Variants in DCC observed in about 807,000 individuals in gnomAD.
The protein encoded by DCC is netrin receptor DCC.
In DCC, 58 loss-of-function variants were observed where a neutral mutation model predicts 172.5. The observed-to-expected ratio is 0.34, with a 90% confidence interval of 0.27 to 0.42. The LOEUF (loss-of-function observed/expected upper bound fraction) is 0.42, where lower values mean the gene tolerates loss of function less well. DCC is among the 10% of genes least tolerant of loss of function. The pLI, the probability that DCC is intolerant of heterozygous loss-of-function variation, is 1.00. For missense variants in DCC, 1,740 were observed against 1,791.0 expected, an observed-to-expected ratio of 0.97 and a Z score of 0.51; for synonymous variants, 709 against 644.5, an observed-to-expected ratio of 1.10 and a Z score of -1.52.
chr18:52,929,759 CTCAGAAAATATTGAG>C (rs2040275097), intron 5 of DCC, among the ~76,000 whole-genome samples: 1 of 150,778 alleles, frequency 6.6e-6, no homozygotes, highest in African/African-American at 2.4e-5. Context: ...AATGTTAAAA[CTCAGAAAATATTGAG>C]ATTATGCTAA....
intron 14 of DCC, among the ~76,000 whole-genome samples, chr18:53,325,482 C>G (rs535076837): frequency 6.6e-6 from 1 of 152,286 alleles, no homozygotes; most frequent in South Asian, 2.1e-4. Flanking sequence ...TTTCCTGACT[C>G]TGAATGAGTC....
At chr18:53,502,998 C>G (rs1407755786) in intron 27 of DCC, among the ~76,000 whole-genome samples, 1 of 152,098 alleles carries the variant, frequency 6.6e-6, no homozygotes, top group East Asian at 1.9e-4. Context: ...TTTCCTGATG[C>G]TCTTCCTCCC....
At chr18:53,051,332 C>T (rs186587021) in intron 5 of DCC, among the ~76,000 whole-genome samples, 1 of 152,196 alleles carries the variant, frequency 6.6e-6, no homozygotes, top group East Asian at 1.9e-4. Context: ...CTTCTCATTC[C>T]TCCTCTCATT....
chr18:52,652,948 G>A (rs1041496101), intron 1 of DCC, among the ~76,000 whole-genome samples: 2 of 152,032 alleles, frequency 1.3e-5, no homozygotes, highest in African/African-American at 4.8e-5. Flanking sequence ...AACAAAACAG[G>A]AAAAGAATGA....
intron 5 of DCC, among the ~76,000 whole-genome samples, chr18:53,059,428 A>G (rs1027486580): frequency 1.3e-5 from 2 of 152,146 alleles, no homozygotes; most frequent in African/African-American, 4.8e-5. Flanking sequence ...TGATAAGTTT[A>G]ACAAGTAAGC....
At chr18:53,288,572 A>G (rs567762144) in intron 12 of DCC, among the ~76,000 whole-genome samples, 7 of 152,196 alleles carry the variant, frequency 4.6e-5, no homozygotes, top group Admixed American at 4.6e-4. Context: ...GCTTTTGTGC[A>G]GATATAATTT....
chr18:53,080,271 A>C (rs544632014), intron 7 of DCC, among the ~76,000 whole-genome samples: 7 of 152,068 alleles, frequency 4.6e-5, no homozygotes, highest in Non-Finnish European at 1.0e-4. Context: ...ATGGATGGTA[A>C]AGCCATCACT....
intron 2 of DCC, among the ~76,000 whole-genome samples, chr18:52,860,922 C>T (rs2039132161): frequency 6.6e-6 from 1 of 151,360 alleles, no homozygotes; most frequent in South Asian, 2.1e-4. Flanking sequence ...AGGAGATATA[C>T]CTAGAACCTG....
chr18:52,627,627 C>A (rs1322328946), intron 1 of DCC, among the ~76,000 whole-genome samples: 1 of 152,120 alleles, frequency 6.6e-6, no homozygotes, highest in East Asian at 1.9e-4. Context: ...GTAGAGAAAA[C>A]AAAACAAACA....
intron 5 of DCC, among the ~76,000 whole-genome samples, chr18:52,963,100 AT>A (rs1447210420): frequency 6.6e-6 from 1 of 151,772 alleles, no homozygotes; most frequent in African/African-American, 2.4e-5. Context: ...TTAAATTATA[AT>A]TATAATAAAA....
intron 25 of DCC, among the ~76,000 whole-genome samples, chr18:53,483,422 T>C (rs1429266716): frequency 3.3e-5 from 5 of 151,860 alleles, no homozygotes; most frequent in African/African-American, 1.2e-4. Flanking sequence ...AAAGATGGAA[T>C]TTTTCTGATG....
intron 5 of DCC, among the ~76,000 whole-genome samples, chr18:52,963,908 A>C (rs2040886564): frequency 6.6e-6 from 1 of 151,598 alleles, no homozygotes; most frequent in Non-Finnish European, 1.5e-5. Context: ...TGGTAAGTTC[A>C]CAAAACATTT....
At chr18:53,099,214 AAAG>A (rs898769187) in intron 7 of DCC, among the ~76,000 whole-genome samples, 22 of 152,108 alleles carry the variant, frequency 1.4e-4, no homozygotes, top group African/African-American at 5.3e-4. Context: ...TTGTCTCCTG[AAAG>A]AAGAACATTT....
intron 15 of DCC, among the ~76,000 whole-genome samples, chr18:53,375,231 GTATCTT>G (rs200652981): frequency 6.7e-5 from 9 of 133,640 alleles, no homozygotes; most frequent in Admixed American, 4.3e-4. Context: ...TAGCCTCTCT[GTATCTT>G]TATCTTTATA....
At chr18:52,349,023 G>A (rs183448726) in intron 1 of DCC, among the ~76,000 whole-genome samples, 2 of 152,278 alleles carry the variant, frequency 1.3e-5, no homozygotes, top group East Asian at 3.9e-4. Context: ...ACACAGAGTA[G>A]TAATGGTAGA....
At chr18:53,332,410 A>T (rs958489656) in intron 14 of DCC, among the ~76,000 whole-genome samples, 1 of 152,036 alleles carries the variant, frequency 6.6e-6, no homozygotes, top group African/African-American at 2.4e-5. Context: ...AACTGTAAAA[A>T]CTTGTGGTAG....
chr18:52,649,907 T>C (rs1051777385), intron 1 of DCC, among the ~76,000 whole-genome samples: 5 of 152,106 alleles, frequency 3.3e-5, no homozygotes, highest in Non-Finnish European at 5.9e-5. Context: ...ATCTTCTTTA[T>C]ATAATTCTTT....
At chr18:52,693,714 C>T (rs2035967281) in intron 1 of DCC, among the ~76,000 whole-genome samples, 1 of 151,824 alleles carries the variant, frequency 6.6e-6, no homozygotes, top group Admixed American at 6.6e-5. Context: ...TCCCAGAGAG[C>T]CAGGGACTGC....
chr18:52,866,269 G>T (rs985482608), intron 2 of DCC, among the ~76,000 whole-genome samples: 2 of 152,192 alleles, frequency 1.3e-5, no homozygotes, highest in Non-Finnish European at 2.9e-5. Context: ...TTTGGTATCA[G>T]TACCATGCTG....
Sources: allele counts gnomAD v4.1 joint callset (sites outside exome capture counted in the v4.1 genomes callset), GRCh38; gene constraint gnomAD v4.1.1; transcripts MANE v1.5; gene names NCBI Gene and HGNC (gene_info 2026-07-23, HGNC 2026-07-21).